Variants in KCNT1 observed in about 807,000 individuals in gnomAD.
KCNT1 encodes potassium channel subfamily T member 1.
A neutral mutation model predicts 147.8 loss-of-function variants in KCNT1; 78 were observed. The ratio of observed to expected loss-of-function variants is 0.53; its 90% CI spans 0.44 to 0.64. The LOEUF is 0.64. Ranked by LOEUF, KCNT1 falls within the 30% of genes least tolerant of loss-of-function variation. The pLI, the probability that KCNT1 is intolerant of heterozygous loss-of-function variation, is 0.00. For missense variants in KCNT1, 1,419 were observed against 1,750.3 expected (o/e 0.81, Z 3.38); for synonymous variants, 867 against 748.8 (o/e 1.16, Z -2.58).
rs1246513348 is a variant in KCNT1, at chr9:135,731,957, CGT to C, written c.254+17240_254+17241del. Among the ~76,000 whole-genome samples the C allele has an allele frequency of 8.9e-4, 40 of 44,890 alleles. 3 individuals carry two copies. The highest frequency in any genetic ancestry group is 2.5e-3 in the African/African-American group (34 of 13,356). The allele number at this position is 44,890 out of a possible 152,430, so 29.4% of individuals were successfully genotyped here. A position where few individuals can be genotyped will look rare whatever the true frequency, so the allele number is the denominator to read the frequency against. On this transcript the variant is annotated intron_variant, in intron 2 of 30. Coordinates refer to ENST00000371757, the MANE Select transcript of KCNT1 (RefSeq NM_020822.3). ...CATATCTAAATACTTTTCAAATATG[CGT>C]GTATATATATATATATATATATATA...
intron 1 of KCNT1, among the ~76,000 whole-genome samples, chr9:135,707,110 C>A (rs1429884485): frequency 6.6e-6 from 1 of 151,334 alleles, no homozygotes; most frequent in African/African-American, 2.4e-5. Context: ...CATAGCAAGA[C>A]CCCTGTCTCT....
chr9:135,764,787 C>T (rs1204542801), intron 11 of KCNT1, among the ~76,000 whole-genome samples: 5 of 152,194 alleles, frequency 3.3e-5, no homozygotes, highest in South Asian at 4.1e-4. Context: ...AGTCTCCAGC[C>T]GCCCCTCCTC....
At chr9:135,745,160 C>T (rs890323182) in intron 2 of KCNT1, among the ~76,000 whole-genome samples, 3 of 152,230 alleles carry the variant, frequency 2.0e-5, no homozygotes, top group African/African-American at 7.2e-5. Context: ...AATGAGTGAA[C>T]TGATGAGTGG....
At chr9:135,733,982 C>T (rs1239622577) in intron 2 of KCNT1, among the ~76,000 whole-genome samples, 1 of 151,388 alleles carries the variant, frequency 6.6e-6, no homozygotes, top group African/African-American at 2.4e-5. Flanking sequence ...GAAGTCTAGC[C>T]AGTGCCACCT....
intron 1 of KCNT1, among the ~76,000 whole-genome samples, chr9:135,708,209 C>T (rs561632345): frequency 3.9e-5 from 6 of 152,320 alleles, no homozygotes; most frequent in Admixed American, 2.0e-4. Context: ...CACATGCACA[C>T]AGATCCATGT....
At chr9:135,710,697 G>A (rs950404500) in intron 1 of KCNT1, among the ~76,000 whole-genome samples, 12 of 152,348 alleles carry the variant, frequency 7.9e-5, no homozygotes, top group Middle Eastern at 6.8e-3. Context: ...AGCAGAAGAC[G>A]AGGGCCCTCT....
intron 2 of KCNT1, 63 bp from the exon 3 acceptor site, chr9:135,750,035 G>C (rs1365313593): frequency 1.5e-6 from 2 of 1,360,384 alleles, no homozygotes; most frequent in East Asian, 2.3e-5. Context: ...TGGGGCTCCC[G>C]GCGTGTCCCC....
At chr9:135,778,665 C>T (rs1208284499) in intron 22 of KCNT1, 23 bp from the exon 23 acceptor site, 9 of 1,612,840 alleles carry the variant, frequency 5.6e-6, no homozygotes, top group Admixed American at 1.7e-5. Context: ...TCCTCAGCCA[C>T]GGGCCCTCGG....
At position 135,751,005 on chromosome 9, in the gene KCNT1, G is replaced by GCTCTA; in HGVS notation, c.399_400insTCTAC (p.Val134SerfsTer43). On this transcript the variant is annotated frameshift_variant, in exon 4 of 31. Coordinates refer to ENST00000371757, the MANE Select transcript of KCNT1 (RefSeq NM_020822.3). LOFTEE classifies it high-confidence loss of function. Reference sequence around the variant, plus strand: ...CTCACCTGCCTGCTCTACATTGTGCGCGTCCTGCTCGATGACCCGGCCCTG... The same window carrying GCTCTA: ...CTCACCTGCCTGCTCTACATTGTGCGCTCTACGTCCTGCTCGATGACCCGGCCCTG... The GCTCTA allele has an allele frequency of 6.2e-7, 1 of 1,612,786 alleles. No homozygotes were observed. Among genetic ancestry groups the GCTCTA allele is most frequent in the Non-Finnish European group, 8.5e-7 (1 of 1,179,854 alleles).
chr9:135,740,557 A>T (rs12685137), intron 2 of KCNT1, among the ~76,000 whole-genome samples: 11 of 152,026 alleles, frequency 7.2e-5, no homozygotes, highest in Admixed American at 7.2e-4. Context: ...CTCCTTCCCG[A>T]CCCCAGCCCC....
intron 23 of KCNT1, among the ~76,000 whole-genome samples, chr9:135,779,114 G>C (rs1194486384): frequency 1.1e-5 from 1 of 94,004 alleles, no homozygotes; most frequent in Non-Finnish European, 2.0e-5. Flanking sequence ...CCACAGCCAC[G>C]ACCACAAGCC....
chr9:135,768,942 G>A lies in KCNT1; in HGVS notation c.1510+5G>A, dbSNP rs184125539. The A allele has an allele frequency of 1.0e-5, 16 of 1,607,536 alleles. No individual in the cohort carries two copies. The highest frequency in any genetic ancestry group is 6.7e-5 in the African/African-American group (5 of 74,950). ...AGTTTCACGTCAAGTTTGCTGGTGC[G>A]TCTGGGGCACACGTGGGTGATGGTG... On this transcript the variant is annotated splice_donor_5th_base_variant and intron_variant, in intron 15 of 30. Transcript: ENST00000371757.
intron 19 of KCNT1, among the ~76,000 whole-genome samples, chr9:135,773,232 A>G (rs1211541861): frequency 6.6e-6 from 1 of 152,028 alleles, no homozygotes; most frequent in Non-Finnish European, 1.5e-5. Flanking sequence ...AGCTAATTGG[A>G]GCGAGGCAGC....
intron 2 of KCNT1, among the ~76,000 whole-genome samples, chr9:135,731,024 G>A (rs940615140): frequency 6.9e-6 from 1 of 144,992 alleles, no homozygotes; most frequent in African/African-American, 2.5e-5. Flanking sequence ...GTGTGGTTTA[G>A]CAATTGAATT....
chr9:135,754,498 G>A (rs1831365257), intron 5 of KCNT1, among the ~76,000 whole-genome samples: 1 of 152,156 alleles, frequency 6.6e-6, no homozygotes, highest in Admixed American at 6.5e-5. Flanking sequence ...GGTGACTGCG[G>A]GGCAACTGGG....
In KCNT1 at chr9:135,704,246, CTCTG is replaced by C; in HGVS notation, c.110+1882_110+1885del. On this transcript the variant is annotated intron_variant, in intron 1 of 30. Coordinates refer to ENST00000371757, the MANE Select transcript of KCNT1 (RefSeq NM_020822.3). ...TCTTGGTGCCAGGCCTTGAGCAGGCCTCTGTCTTTCCTGGGTGCTGGAGGATGCC... is the reference window on the plus strand; with the variant it reads ...TCTTGGTGCCAGGCCTTGAGCAGGCCTCTTTCCTGGGTGCTGGAGGATGCC... Among the ~76,000 whole-genome samples, 6 of 152,202 alleles carry C rather than the reference CTCTG, an allele frequency of 3.9e-5. 1 individual carries two copies. In the South Asian group the frequency reaches 1.2e-3, roughly 32 times the overall value.
rs1029032423 is a variant in KCNT1, at chr9:135,732,357, C to T, written c.254+17637C>T. Among the ~76,000 whole-genome samples the T allele has an allele frequency of 2.0e-5, 3 of 152,168 alleles. No homozygotes were observed. The South Asian group carries it at 6.2e-4, about 31-fold the overall frequency. The stretch of plus-strand genomic sequence containing the variant: ...AAATACCAAAAACTAGTTGAGGCTT[C>T]TACCCAGGGGTACAAGCAATCCTCC... On this transcript the variant is annotated intron_variant, in intron 2 of 30. Coordinates refer to ENST00000371757, the MANE Select transcript of KCNT1 (RefSeq NM_020822.3).
At chr9:135,763,061 G>A (rs1192445362) in intron 11 of KCNT1, among the ~76,000 whole-genome samples, 11 of 152,222 alleles carry the variant, frequency 7.2e-5, no homozygotes, top group Non-Finnish European at 1.0e-4. Flanking sequence ...AGCTCTGAGC[G>A]AGGCAGGGAG....
intron 2 of KCNT1, among the ~76,000 whole-genome samples, chr9:135,738,934 G>A (rs1456494059): frequency 1.3e-5 from 2 of 152,128 alleles, no homozygotes; most frequent in Non-Finnish European, 2.9e-5. Flanking sequence ...TTGAGTAAAA[G>A]TGCCCAATGG....
Sources: gnomAD v4.1 joint callset for allele counts (sites outside exome capture counted in the v4.1 genomes callset) on GRCh38, gnomAD v4.1.1 for gene constraint, MANE v1.5 for transcripts, NCBI Gene and HGNC (gene_info 2026-07-23, HGNC 2026-07-21) for gene names.